The following SLC24A3 variants were observed in gnomAD, a reference collection of about 807,000 sequenced individuals.
SLC24A3 encodes solute carrier family 24 member 3, also known as sodium/potassium/calcium exchanger 3.
In SLC24A3, 28 loss-of-function variants were observed where a neutral mutation model predicts 75.8. The observed-to-expected ratio is 0.37, with a 90% CI of 0.27 to 0.51. The LOEUF (loss-of-function observed/expected upper bound fraction) is 0.51, where lower values mean the gene tolerates loss of function less well. SLC24A3 is among the 20% of genes least tolerant of loss of function. The pLI, the probability that SLC24A3 is intolerant of heterozygous loss-of-function variation, is 0.94. For missense variants in SLC24A3, 663 were observed against 847.8 expected, an observed-to-expected ratio of 0.78 and a Z score of 2.71; for synonymous variants, 372 against 334.1, an observed-to-expected ratio of 1.11 and a Z score of -1.24.
Position 19,691,099 on chromosome 20 carries a change from A to G in SLC24A3, c.1325-2160A>G, listed in dbSNP as rs969858367. Among the ~76,000 whole-genome samples, 40 of 152,350 alleles carry G rather than the reference A, an allele frequency of 2.6e-4. 1 individual carries two copies. The highest frequency in any genetic ancestry group is 8.8e-5 in the Non-Finnish European group (6 of 68,024). On this transcript the variant is annotated intron_variant, in intron 12 of 16. Coordinates refer to ENST00000328041, the MANE Select transcript of SLC24A3 (RefSeq NM_020689.4). ...CCCCTGTTCTCATAGACTTTATTCT[A>G]ATTTGAGGGAGACTGAAAATAAATT...
At chr20:19,424,742 C>CA (rs1568614237) in intron 2 of SLC24A3, among the ~76,000 whole-genome samples, 95 of 4,784 alleles carry the variant, frequency 0.02, no homozygotes, top group South Asian at 0.039. Context: ...AAAAAAACAA[C>CA]AACAAAAAAA....
chr20:19,353,727 A>G (rs1429867106), intron 2 of SLC24A3, among the ~76,000 whole-genome samples: 1 of 152,224 alleles, frequency 6.6e-6, no homozygotes, highest in Non-Finnish European at 1.5e-5. Context: ...TCATAAAAGG[A>G]TGTTCAACAT....
intron 2 of SLC24A3, among the ~76,000 whole-genome samples, chr20:19,354,827 G>T (rs936817503): frequency 5.3e-5 from 8 of 152,146 alleles, no homozygotes; most frequent in Admixed American, 2.6e-4. Context: ...AGAAATGTAC[G>T]ATGGTACAGC....
intron 7 of SLC24A3, among the ~76,000 whole-genome samples, chr20:19,664,293 G>A (rs1354142516): frequency 2.6e-5 from 4 of 152,158 alleles, no homozygotes; most frequent in Admixed American, 6.5e-5. Context: ...TAGGGGTTGG[G>A]TACCATGCCA....
chr20:19,222,106 A>T (rs961485431), intron 1 of SLC24A3, among the ~76,000 whole-genome samples: 7 of 151,760 alleles, frequency 4.6e-5, no homozygotes, highest in Admixed American at 2.6e-4. Context: ...TGAGTGTTTA[A>T]TTTCTGCTGT....
At chr20:19,271,140 T>C (rs544665642) in intron 1 of SLC24A3, among the ~76,000 whole-genome samples, 4 of 152,114 alleles carry the variant, frequency 2.6e-5, no homozygotes, top group Non-Finnish European at 5.9e-5. Context: ...AGTAGTTCAA[T>C]GGAGAAAGAT....
At chr20:19,337,160 A>T (rs1600436160) in intron 2 of SLC24A3, among the ~76,000 whole-genome samples, 1 of 152,162 alleles carries the variant, frequency 6.6e-6, no homozygotes, top group Non-Finnish European at 1.5e-5. Flanking sequence ...CAGTCCACAC[A>T]TCGGCCGAGC....
chr20:19,237,295 G>A (rs1055028019), intron 1 of SLC24A3, among the ~76,000 whole-genome samples: 7 of 152,068 alleles, frequency 4.6e-5, no homozygotes, highest in Non-Finnish European at 1.0e-4. Flanking sequence ...TGTGGATGGC[G>A]GGGTCGTGCA....
chr20:19,519,069 G>C (rs1048536540), intron 3 of SLC24A3, among the ~76,000 whole-genome samples: 1 of 152,110 alleles, frequency 6.6e-6, no homozygotes, highest in Non-Finnish European at 1.5e-5. Flanking sequence ...GTCTTTTCCT[G>C]GGGTTCACTG....
At chr20:19,268,037 A>G (rs945669611) in intron 1 of SLC24A3, among the ~76,000 whole-genome samples, 4 of 152,234 alleles carry the variant, frequency 2.6e-5, no homozygotes, top group Middle Eastern at 3.2e-3. Context: ...TCATGTCCCC[A>G]TCTCATTTCA....
chr20:19,358,890 G>T (rs1340649094), intron 2 of SLC24A3, among the ~76,000 whole-genome samples: 1 of 152,088 alleles, frequency 6.6e-6, no homozygotes, highest in African/African-American at 2.4e-5. Context: ...TTTGTGTCTG[G>T]CTTATTTCAC....
intron 2 of SLC24A3, among the ~76,000 whole-genome samples, chr20:19,430,971 G>GTCCTCCA (rs3057539): frequency 0.22 from 32,720 of 151,740 alleles, 5,935 homozygotes; most frequent in East Asian, 0.74. Context: ...ACAAGGTCAT[G>GTCCTCCA]TCCTCCATCC....
At chr20:19,560,465 G>T (rs2122609837) in intron 3 of SLC24A3, among the ~76,000 whole-genome samples, 1 of 152,324 alleles carries the variant, frequency 6.6e-6, no homozygotes, top group East Asian at 1.9e-4. Flanking sequence ...AAAGTCACAG[G>T]GTGAGGTGTG....
intron 1 of SLC24A3, among the ~76,000 whole-genome samples, chr20:19,256,235 G>A (rs1425401821): frequency 1.3e-5 from 2 of 152,146 alleles, no homozygotes; most frequent in African/African-American, 4.8e-5. Flanking sequence ...ATTCAGCAAA[G>A]CCCACATACT....
At chr20:19,362,651 A>G (rs1405507930) in intron 2 of SLC24A3, among the ~76,000 whole-genome samples, 2 of 152,282 alleles carry the variant, frequency 1.3e-5, no homozygotes, top group Non-Finnish European at 2.9e-5. Flanking sequence ...AATTTCAGTT[A>G]CCTGCAGACC....
At chr20:19,667,228 C>G (rs904838534) in intron 8 of SLC24A3, among the ~76,000 whole-genome samples, 1 of 152,194 alleles carries the variant, frequency 6.6e-6, no homozygotes, top group African/African-American at 2.4e-5. Flanking sequence ...TAACTCTCCT[C>G]TTTGCAAGAA....
intron 1 of SLC24A3, among the ~76,000 whole-genome samples, chr20:19,244,972 A>G (rs1236610248): frequency 6.6e-6 from 1 of 152,188 alleles, no homozygotes; most frequent in African/African-American, 2.4e-5. Context: ...GCACAAGGAC[A>G]GAAGACAAGG....
At chr20:19,557,785 G>A (rs1400770485) in intron 3 of SLC24A3, among the ~76,000 whole-genome samples, 1 of 152,122 alleles carries the variant, frequency 6.6e-6, no homozygotes, top group African/African-American at 2.4e-5. Context: ...ACTTAAATCT[G>A]TATTGTTTGA....
At chr20:19,459,699 G>A (rs1183174752) in intron 2 of SLC24A3, among the ~76,000 whole-genome samples, 1 of 152,154 alleles carries the variant, frequency 6.6e-6, no homozygotes, top group Non-Finnish European at 1.5e-5. Context: ...TATAATCAGT[G>A]TGATGTCTCT....
Sources: allele counts gnomAD v4.1 joint callset (sites outside exome capture counted in the v4.1 genomes callset), GRCh38; gene constraint gnomAD v4.1.1; transcripts MANE v1.5; gene names NCBI Gene and HGNC (gene_info 2026-07-23, HGNC 2026-07-21).